Variants in AUTS2 observed in about 807,000 individuals in gnomAD.
The protein encoded by AUTS2 is autism susceptibility gene 2 protein.
AUTS2 carries 17 observed loss-of-function variants against 112.4 expected under a neutral mutation model. The ratio of observed to expected loss-of-function variants is 0.15; its 90% CI spans 0.10 to 0.23. The LOEUF is 0.23. Among genes scored for constraint, AUTS2 ranks in the 10% least tolerant of loss-of-function variants. The pLI, the probability that AUTS2 is intolerant of heterozygous loss-of-function variation, is 1.00. For synonymous variants in AUTS2, 751 were observed against 702.7 expected, an observed-to-expected ratio of 1.07 and a Z score of -1.09; for missense variants, 1,510 against 1,701.6, an observed-to-expected ratio of 0.89 and a Z score of 1.98.
chr7:70,089,607 A>G (rs185523025), intron 2 of AUTS2, among the ~76,000 whole-genome samples: 1 of 151,980 alleles, frequency 6.6e-6, no homozygotes, highest in African/African-American at 2.4e-5. Flanking sequence ...GACTGTTTAT[A>G]TACTTTCTTG....
At chr7:69,829,113 A>G (rs1266858186) in intron 1 of AUTS2, among the ~76,000 whole-genome samples, 2 of 152,276 alleles carry the variant, frequency 1.3e-5, no homozygotes, top group Non-Finnish European at 2.9e-5. Context: ...CTGATCTTGG[A>G]CAAACTTGGC....
At position 70,252,648 on chromosome 7, in the gene AUTS2, A is replaced by G. The variant is rs112169907; in HGVS notation, c.660+118077A>G. On this transcript the variant is annotated intron_variant, in intron 4 of 18. Transcript: ENST00000342771. ...ATTTTTGCTTTTGTAGTCATATTCA[A>G]GAAATCTTTTCCTAGACCAATGTTG... Among the ~76,000 whole-genome samples, 165 of 152,228 alleles carry G rather than the reference A, an allele frequency of 1.1e-3. 5 individuals carry two copies. Among genetic ancestry groups the G allele is most frequent in the African/African-American group, 3.7e-3 (153 of 41,570 alleles).
chr7:70,021,131 C>T (rs967229030), intron 2 of AUTS2, among the ~76,000 whole-genome samples: 6 of 152,058 alleles, frequency 3.9e-5, no homozygotes, highest in African/African-American at 7.2e-5. Flanking sequence ...TACAGGCATG[C>T]GCCACCACAC....
chr7:69,723,149 A>G (rs141232806), intron 1 of AUTS2, among the ~76,000 whole-genome samples: 14 of 152,234 alleles, frequency 9.2e-5, no homozygotes, highest in African/African-American at 3.1e-4. Context: ...TACTGCCTTC[A>G]TCATTCACAG....
intron 4 of AUTS2, 129 bp downstream of exon 4, chr7:70,134,700 C>G: frequency 1.2e-6 from 1 of 867,728 alleles, no homozygotes; most frequent in Non-Finnish European, 1.9e-6. Context: ...AGACTGATTT[C>G]CATTCTTTAT....
intron 1 of AUTS2, among the ~76,000 whole-genome samples, chr7:69,611,838 G>A (rs947632942): frequency 3.3e-5 from 5 of 150,770 alleles, no homozygotes; most frequent in Non-Finnish European, 5.9e-5. Flanking sequence ...GCTGAGGCAG[G>A]AGAATGGCGT....
At chr7:69,901,045 C>G (rs1044271331) in intron 2 of AUTS2, among the ~76,000 whole-genome samples, 24 of 152,156 alleles carry the variant, frequency 1.6e-4, no homozygotes, top group African/African-American at 5.3e-4. Flanking sequence ...AGGGAAGGAG[C>G]CAGGGTTTAG....
At chr7:70,397,345 A>G (rs1050821786) in intron 4 of AUTS2, among the ~76,000 whole-genome samples, 2 of 152,080 alleles carry the variant, frequency 1.3e-5, no homozygotes, top group African/African-American at 4.8e-5. Context: ...GATTACAGGC[A>G]TGAGCCACCG....
intron 1 of AUTS2, among the ~76,000 whole-genome samples, chr7:69,883,759 A>G (rs1263395019): frequency 1.3e-5 from 2 of 152,232 alleles, no homozygotes; most frequent in Non-Finnish European, 2.9e-5. Context: ...AACCTCACAC[A>G]GCAGGCCTGG....
intron 5 of AUTS2, among the ~76,000 whole-genome samples, chr7:70,507,616 G>C (rs957606447): frequency 6.6e-5 from 10 of 151,920 alleles, no homozygotes; most frequent in African/African-American, 2.4e-4. Context: ...GACCAACATG[G>C]TGAAACCCTG....
chr7:70,028,300 C>T (rs991022929), intron 2 of AUTS2, among the ~76,000 whole-genome samples: 2 of 152,194 alleles, frequency 1.3e-5, no homozygotes, highest in Non-Finnish European at 1.5e-5. Flanking sequence ...ATCCCTATTA[C>T]TATGTCACCC....
intron 2 of AUTS2, among the ~76,000 whole-genome samples, chr7:69,919,702 ATTC>A (rs758694137): frequency 2.0e-5 from 3 of 152,160 alleles, no homozygotes; most frequent in Non-Finnish European, 4.4e-5. Flanking sequence ...CAGATGTTGT[ATTC>A]TTCTAACACT....
At chr7:69,969,511 T>C (rs992368640) in intron 2 of AUTS2, among the ~76,000 whole-genome samples, 2 of 152,228 alleles carry the variant, frequency 1.3e-5, no homozygotes, top group Non-Finnish European at 2.9e-5. Context: ...TCAGTGATTC[T>C]CTGCAGAACT....
intron 1 of AUTS2, among the ~76,000 whole-genome samples, chr7:69,680,945 C>T (rs965853667): frequency 2.0e-5 from 3 of 152,238 alleles, no homozygotes; most frequent in East Asian, 1.9e-4. Context: ...GCTGGGATTA[C>T]AGGCATGAAC....
At chr7:70,641,197 A>G (rs1356558221) in intron 5 of AUTS2, among the ~76,000 whole-genome samples, 7 of 152,238 alleles carry the variant, frequency 4.6e-5, no homozygotes, top group Non-Finnish European at 8.8e-5. Context: ...TCCTATTCCC[A>G]TCTTTGAAGA....
At chr7:69,898,959 G>A (rs1331867832) in intron 1 of AUTS2, among the ~76,000 whole-genome samples, 1 of 152,198 alleles carries the variant, frequency 6.6e-6, no homozygotes, top group East Asian at 1.9e-4. Context: ...CTTCCTTGGG[G>A]AAGGTCATTG....
chr7:70,189,160 T>C (rs1234854034), intron 4 of AUTS2, among the ~76,000 whole-genome samples: 1 of 152,130 alleles, frequency 6.6e-6, no homozygotes, highest in Non-Finnish European at 1.5e-5. Context: ...AGAGTGTGCC[T>C]GTAAATGACC....
intron 1 of AUTS2, among the ~76,000 whole-genome samples, chr7:69,716,437 G>A (rs1798615805): frequency 6.6e-6 from 1 of 152,094 alleles, no homozygotes; most frequent in African/African-American, 2.4e-5. Flanking sequence ...GGGAAAAGAA[G>A]CAGGACAAGG....
intron 4 of AUTS2, among the ~76,000 whole-genome samples, chr7:70,215,880 G>A (rs1811140036): frequency 6.6e-6 from 1 of 152,110 alleles, no homozygotes; most frequent in Non-Finnish European, 1.5e-5. Flanking sequence ...GATGTCTTCT[G>A]TTTTAGTTTA....
Sources: gnomAD v4.1 joint callset for allele counts (sites outside exome capture counted in the v4.1 genomes callset) on GRCh38, gnomAD v4.1.1 for gene constraint, MANE v1.5 for transcripts, NCBI Gene and HGNC (gene_info 2026-07-23, HGNC 2026-07-21) for gene names.